The following PHACTR2 variants were observed in gnomAD, a reference collection of about 807,000 sequenced individuals.
PHACTR2 encodes chromosome 6 open reading frame 56.
Under a neutral mutation model 76.0 loss-of-function variants are expected in PHACTR2, and 30 were observed. The ratio of observed to expected loss-of-function variants is 0.39; its 90% confidence interval spans 0.30 to 0.54. The LOEUF is 0.54. Ranked by LOEUF, PHACTR2 falls within the 20% of genes least tolerant of loss-of-function variation. PHACTR2 has a pLI of 0.61. For missense variants in PHACTR2, 696 were observed against 781.1 expected (o/e 0.89, Z 1.30); for synonymous variants, 292 against 292.5 (o/e 1.00, Z 0.02).
At chr6:143,544,806 G>T (rs1401730688) in intron 1 of PHACTR2, among the ~76,000 whole-genome samples, 3 of 152,144 alleles carry the variant, frequency 2.0e-5, no homozygotes, top group African/African-American at 7.2e-5. Context: ...ATTAATGCAT[G>T]AATTACCTTA....
rs1469696745 is a variant in PHACTR2 at position 143,633,998 on chromosome 6, T to A, written c.13+25676T>A. ...ATGATAATTATATTTTATCCTACTT[T>A]TACAAAATACTAGTCAGTGCAGGTA... is the stretch of plus-strand genomic sequence containing the variant. On this transcript the variant is annotated intron_variant, in intron 1 of 11. Transcript: ENST00000305766. The surrounding 1 kb of genome is among the most constrained non-coding windows in gnomAD (Gnocchi z 4.1). Among the ~76,000 whole-genome samples the A allele has an allele frequency of 6.6e-6, 1 of 152,224 alleles. No individual in the cohort carries two copies. The highest frequency in any genetic ancestry group is 1.9e-4 in the East Asian group (1 of 5,202).
chr6:143,573,559 T>C (rs534884009), intron 1 of PHACTR2, among the ~76,000 whole-genome samples: 28 of 138,202 alleles, frequency 2.0e-4, no homozygotes, highest in Non-Finnish European at 3.3e-4. Flanking sequence ...TGTGAACCCA[T>C]GAATTTTCTT....
In PHACTR2 at chr6:143,819,600, G is replaced by A. The variant is rs949109664; in HGVS notation, c.1923-4074G>A. ...GCTCGAGGCAGTGGGGAGTACTGGT[G>A]TAAGTTCTGGAGTACAAAGGGTGGG... On this transcript the variant is annotated intron_variant, in intron 12 of 12. Transcript: ENST00000440869. This position sits in a 1 kb window ranked among gnomAD's most constrained non-coding sequence, Gnocchi z 5.0. 6.6e-6 allele frequency among the ~76,000 whole-genome samples: 1 copy of A among 152,164 alleles called. No homozygotes were observed. The highest frequency in any genetic ancestry group is 6.5e-5 in the Admixed American group (1 of 15,286).
At position 143,541,705 on chromosome 6, in the gene PHACTR2, C is replaced by T. The variant is rs1781172494; in HGVS notation, c.217+4498C>T. 1.3e-5 allele frequency among the ~76,000 whole-genome samples: 2 copies of T among 152,290 alleles called. No individual in the cohort carries two copies. The highest frequency in any genetic ancestry group is 1.9e-4 in the East Asian group (1 of 5,180). On this transcript the variant is annotated intron_variant, in intron 1 of 11. Coordinates refer to the PHACTR2 transcript ENST00000367584. The surrounding 1 kb of genome is among the most constrained non-coding windows in gnomAD (Gnocchi z 5.3). ...AGTGCTGAGTGGAAGTGAGAAATCT[C>T]GCATACCTCAATGTACTATCAGTTC...
chr6:143,613,911 G>A (rs1776020303), intron 1 of PHACTR2, among the ~76,000 whole-genome samples: 1 of 152,104 alleles, frequency 6.6e-6, no homozygotes, highest in African/African-American at 2.4e-5. Context: ...GCATTCAACA[G>A]GTTTCTTAGC....
intron 1 of PHACTR2, among the ~76,000 whole-genome samples, chr6:143,655,157 C>CAAAAAAAAAAAAAAA (rs151076366): frequency 2.0e-5 from 2 of 99,082 alleles, no homozygotes; most frequent in South Asian, 3.1e-4. Context: ...AACTCCGTCT[C>CAAAAAAAAAAAAAAA]AAAAAAAAAA....
rs35606517 is a variant in PHACTR2, at chr6:143,552,888, GAAA to G, written c.217+15699_217+15701del. Among the ~76,000 whole-genome samples the G allele has an allele frequency of 4.6e-3, 532 of 116,702 alleles. 5 individuals are homozygous for G. The highest frequency in any genetic ancestry group is 0.016 in the African/African-American group (473 of 30,196). 76.6% of individuals were successfully genotyped at this position (116,702 alleles called of 152,430 possible). ...ACTGAGCAAGACTCCATCTCAAAAA[GAAA>G]AAAAAAAAAAAAAAAAAGCAAAAAA... On this transcript the variant is annotated intron_variant, in intron 1 of 11. Coordinates refer to the PHACTR2 transcript ENST00000367584.
intron 1 of PHACTR2, among the ~76,000 whole-genome samples, chr6:143,577,200 CT>C (rs1775525751): frequency 6.6e-6 from 1 of 152,146 alleles, no homozygotes; most frequent in Non-Finnish European, 1.5e-5. Context: ...AAGATTCAGT[CT>C]TTTAAAATTG....
chr6:143,679,538 G>C lies in PHACTR2; in HGVS notation c.46+1329G>C, dbSNP rs1234761332. 6.6e-6 allele frequency among the ~76,000 whole-genome samples: 1 copy of C among 151,958 alleles called. No homozygotes were observed. The highest frequency in any genetic ancestry group is 1.5e-5 in the Non-Finnish European group (1 of 67,982). On this transcript the variant is annotated intron_variant, in intron 1 of 12. Transcript: ENST00000440869. The surrounding 1 kb of genome is among the most constrained non-coding windows in gnomAD (Gnocchi z 4.6). Reference sequence around the variant, plus strand: ...GAGACTTCTTTTCATTTCAAGGAAGGGTTATATTTTTACATTTGTGCACCG... The same window carrying C: ...GAGACTTCTTTTCATTTCAAGGAAGCGTTATATTTTTACATTTGTGCACCG...
rs77878005 is a variant in PHACTR2 at position 143,639,997 on chromosome 6, G to A, written c.13+31675G>A. On this transcript the variant is annotated intron_variant, in intron 1 of 11. Coordinates refer to the PHACTR2 transcript ENST00000305766. The surrounding 1 kb of genome is among the most constrained non-coding windows in gnomAD (Gnocchi z 5.0). Reference sequence around the variant, plus strand: ...ATAATGATGTTTCTGCCAACAGTGGGCCACATATATGATGGTAATTCTGTG... The same window carrying A: ...ATAATGATGTTTCTGCCAACAGTGGACCACATATATGATGGTAATTCTGTG... 6.3e-4 allele frequency among the ~76,000 whole-genome samples: 96 copies of A among 152,244 alleles called. 2 individuals are homozygous for A. The East Asian group carries it at 0.012, about 20-fold the overall frequency.
At chr6:143,771,192 G>GTA (rs1562300820) in intron 6 of PHACTR2, among the ~76,000 whole-genome samples, 3 of 16,624 alleles carry the variant, frequency 1.8e-4, no homozygotes, top group African/African-American at 6.8e-4. Context: ...ATATATATGT[G>GTA]TGTATATATA....
In PHACTR2 at chr6:143,737,969, G is replaced by C. The variant is rs143349839; in HGVS notation, c.215-11016G>C. ...TAAGAAACCTGGTCTGATTGGATAT[G>C]TAAAATGAAAGTAATAAACATGGAT... On this transcript the variant is annotated intron_variant, in intron 2 of 12. Coordinates refer to ENST00000440869, the MANE Select transcript of PHACTR2 (RefSeq NM_001100164.2). Among the ~76,000 whole-genome samples the C allele has an allele frequency of 7.1e-4, 108 of 152,330 alleles. 2 individuals carry two copies. In the East Asian group the frequency reaches 0.018, roughly 25 times the overall value.
At chr6:143,674,956 C>T (rs1174903962), upstream of PHACTR2, among the ~76,000 whole-genome samples, 1 of 152,156 alleles carries the variant, frequency 6.6e-6, no homozygotes, top group Non-Finnish European at 1.5e-5. The surrounding 1 kb of genome is among the most constrained non-coding windows in gnomAD (Gnocchi z 4.9). Flanking sequence ...GGCTTTTGTC[C>T]GCTTTAACTT....
chr6:143,820,196 CA>C lies in PHACTR2; in HGVS notation c.1923-3475del. On this transcript the variant is annotated intron_variant, in intron 12 of 12. Coordinates refer to ENST00000440869, the MANE Select transcript of PHACTR2 (RefSeq NM_001100164.2). The surrounding 1 kb of genome is among the most constrained non-coding windows in gnomAD (Gnocchi z 4.2). ...ATTCCAACATGAGATTTGGCAGGGA[CA>C]AATATCCAAACTGTATCATTTTGAC... Among the ~76,000 whole-genome samples the C allele has an allele frequency of 6.6e-6, 1 of 152,158 alleles. No homozygotes were observed. Among genetic ancestry groups the C allele is most frequent in the East Asian group, 1.9e-4 (1 of 5,192 alleles).
At chr6:143,632,980 A>G (rs1776391108) in intron 1 of PHACTR2, among the ~76,000 whole-genome samples, 1 of 152,200 alleles carries the variant, frequency 6.6e-6, no homozygotes, top group Non-Finnish European at 1.5e-5. Context: ...CTGTCTGGAC[A>G]TACCACATTT....
chr6:143,718,427 C>T (rs1200071986), intron 2 of PHACTR2, among the ~76,000 whole-genome samples: 4 of 152,200 alleles, frequency 2.6e-5, no homozygotes, highest in Non-Finnish European at 4.4e-5. Context: ...TGAACCTAAG[C>T]AATGAGGTCC....
rs996429427 is a variant in PHACTR2, at chr6:143,539,828, C to G, written c.217+2621C>G. Among the ~76,000 whole-genome samples, 4 of 152,188 alleles carry G rather than the reference C, an allele frequency of 2.6e-5. No individual in the cohort carries two copies. The highest frequency in any genetic ancestry group is 9.7e-5 in the African/African-American group (4 of 41,436). ...ACCTTGCAGTTTGAAAAGTGCTGCTCTCCCACACTGGTTTTCAAACTTGGC... is the reference window on the plus strand; with the variant it reads ...ACCTTGCAGTTTGAAAAGTGCTGCTGTCCCACACTGGTTTTCAAACTTGGC... On this transcript the variant is annotated intron_variant, in intron 1 of 11. Transcript: ENST00000367584. This position sits in a 1 kb window ranked among gnomAD's most constrained non-coding sequence, Gnocchi z 4.3.
At chr6:143,728,157 A>G (rs1181328489) in intron 2 of PHACTR2, among the ~76,000 whole-genome samples, 1 of 147,380 alleles carries the variant, frequency 6.8e-6, no homozygotes, top group Non-Finnish European at 1.5e-5. Context: ...TCTTTCTTTC[A>G]TTCTTTCTTT....
In PHACTR2 at chr6:143,549,785, C is replaced by T. The variant is rs577631918; in HGVS notation, c.217+12578C>T. 1.3e-5 allele frequency among the ~76,000 whole-genome samples: 2 copies of T among 151,942 alleles called. No individual in the cohort carries two copies. The highest frequency in any genetic ancestry group is 3.9e-4 in the East Asian group (2 of 5,172). ...AGGCTTCCCTTGATGTTCATGTTTG[C>T]AGGCCCTCACCTGTGTTAAAGTCAT... is the stretch of plus-strand genomic sequence containing the variant. On this transcript the variant is annotated intron_variant, in intron 1 of 11. Transcript: ENST00000367584. This position sits in a 1 kb window ranked among gnomAD's most constrained non-coding sequence, Gnocchi z 4.2.
Sources: gnomAD v4.1 joint callset for allele counts (sites outside exome capture counted in the v4.1 genomes callset) on GRCh38, gnomAD v4.1.1 for gene constraint, Gnocchi (gnomAD v3.1) non-coding constraint, MANE v1.5 for transcripts, NCBI Gene and HGNC (gene_info 2026-07-23, HGNC 2026-07-21) for gene names.